ARMC2: variants seen among roughly 807,000 people sequenced by gnomAD.
The protein encoded by ARMC2 is armadillo repeat-containing protein 2.
ARMC2 carries 67 observed loss-of-function variants against 90.3 expected under a neutral mutation model. The observed-to-expected ratio is 0.74, with a 90% CI of 0.61 to 0.91. ARMC2 has a LOEUF of 0.91. Among genes scored for constraint, ARMC2 ranks in the 40% least tolerant of loss-of-function variants. ARMC2 has a pLI of 0.00. For synonymous variants in ARMC2, 393 were observed against 393.0 expected (o/e 1.00, Z 0.00); for missense variants, 920 against 1,030.9 (o/e 0.89, Z 1.47).
At chr6:108,948,228 G>A (rs1179894377) in intron 12 of ARMC2, among the ~76,000 whole-genome samples, 1 of 152,146 alleles carries the variant, frequency 6.6e-6, no homozygotes, top group Admixed American at 6.5e-5. Context: ...GGAGTGCACG[G>A]TTTGGGAGCA....
chr6:108,922,686 T>A (rs1171832487), intron 10 of ARMC2, among the ~76,000 whole-genome samples: 2 of 152,226 alleles, frequency 1.3e-5, no homozygotes, highest in Non-Finnish European at 2.9e-5. Context: ...ATGAAAACTT[T>A]GAGGCTTACA....
chr6:108,987,518 G>C, the ARMC2 span: 1,772 of 1,333,058 alleles, frequency 1.3e-3, 18 homozygotes, highest in African/African-American at 0.023. Context: ...GATCATTCCA[G>C]AATCATCTTT....
chr6:108,891,528 T>G (rs1304619996), intron 5 of ARMC2, among the ~76,000 whole-genome samples: 1 of 152,236 alleles, frequency 6.6e-6, no homozygotes, highest in Non-Finnish European at 1.5e-5. Flanking sequence ...TAAAATATAT[T>G]TGTTGGCCGC....
chr6:108,994,140 TA>T, the ARMC2 span, among the ~76,000 whole-genome samples: 371 of 100,260 alleles, frequency 3.7e-3, 1 homozygote, highest in African/African-American at 9.1e-3. Flanking sequence ...CCCTGTTTCT[TA>T]AAAAAAAAAA....
intron 8 of ARMC2, chr6:108,907,752 C>G: frequency 3.7e-6 from 6 of 1,610,866 alleles, no homozygotes; most frequent in Non-Finnish European, 5.1e-6. Flanking sequence ...CAGTAGTAAC[C>G]TCTTTGAAAC....
At chr6:108,869,530 A>G (rs1776173983) in intron 4 of ARMC2, among the ~76,000 whole-genome samples, 1 of 152,238 alleles carries the variant, frequency 6.6e-6, no homozygotes, top group Non-Finnish European at 1.5e-5. Context: ...AAAGAATATT[A>G]GGATAAGTAT....
At chr6:108,881,189 T>C (rs926743287) in intron 5 of ARMC2, among the ~76,000 whole-genome samples, 1 of 151,536 alleles carries the variant, frequency 6.6e-6, no homozygotes, top group Middle Eastern at 3.2e-3. Flanking sequence ...TTTCTTTCTT[T>C]CTTTCTTTGT....
intron 2 of ARMC2, among the ~76,000 whole-genome samples, chr6:108,856,942 C>G (rs1378371094): frequency 6.6e-6 from 1 of 152,208 alleles, no homozygotes; most frequent in Admixed American, 6.5e-5. Flanking sequence ...TTTTCTTTCA[C>G]CAGTACTATA....
chr6:108,997,631 T>C, the ARMC2 span, among the ~76,000 whole-genome samples: 1 of 152,228 alleles, frequency 6.6e-6, no homozygotes, highest in Non-Finnish European at 1.5e-5. Flanking sequence ...TTTACTTTTA[T>C]TTAGATACAA....
At chr6:108,868,740 T>A in intron 3 of ARMC2, 84 bp from the exon 4 acceptor site, 1 of 1,324,868 alleles carries the variant, frequency 7.5e-7, no homozygotes, top group Non-Finnish European at 1.0e-6. Context: ...TGTGCTCTTC[T>A]GGAAGGGTTG....
At chr6:109,035,213 C>G in the ARMC2 span, among the ~76,000 whole-genome samples, 10 of 152,088 alleles carry the variant, frequency 6.6e-5, no homozygotes, top group African/African-American at 2.4e-4. Context: ...CAAAAAAGAA[C>G]TGACCCCAAA....
intron 3 of ARMC2, among the ~76,000 whole-genome samples, chr6:108,866,938 A>G (rs908121320): frequency 2.0e-5 from 3 of 152,128 alleles, no homozygotes; most frequent in Admixed American, 6.5e-5. Context: ...ATAGATGTCT[A>G]TGTTCTATTC....
At chr6:108,858,095 A>G in intron 2 of ARMC2, 104 bp from the exon 3 acceptor site, 2 of 798,462 alleles carry the variant, frequency 2.5e-6, no homozygotes, top group Non-Finnish European at 3.9e-6. Flanking sequence ...TGGTTTATGC[A>G]TTGCATCCTT....
chr6:108,991,228 AGTGTGTGTGT>A, the ARMC2 span, among the ~76,000 whole-genome samples: 2 of 148,048 alleles, frequency 1.4e-5, no homozygotes, highest in Non-Finnish European at 3.0e-5. Flanking sequence ...TCAAATTATG[AGTGTGTGTGT>A]GTGTGTGTGT....
chr6:109,051,315 C>T, the ARMC2 span, among the ~76,000 whole-genome samples: 1 of 150,210 alleles, frequency 6.7e-6, no homozygotes, highest in African/African-American at 2.4e-5. Context: ...ATTTACCAAA[C>T]ATTGAAACTG....
At chr6:108,907,848 C>T (rs1772946888) in intron 8 of ARMC2, 1 of 1,611,192 alleles carries the variant, frequency 6.2e-7, no homozygotes, top group Non-Finnish European at 8.5e-7. Flanking sequence ...AGTTTCTTGT[C>T]CTTCACTGGT....
At chr6:108,987,514 T>A in the ARMC2 span, 1 of 1,279,606 alleles carries the variant, frequency 7.8e-7, no homozygotes, top group African/African-American at 1.5e-5. Context: ...TGCTGATCAT[T>A]CCAGAATCAT....
chr6:109,003,356 AG>A, the ARMC2 span, among the ~76,000 whole-genome samples: 4 of 151,446 alleles, frequency 2.6e-5, no homozygotes, highest in African/African-American at 7.3e-5. Context: ...TTCCTTTTAA[AG>A]AAAAAAAGTG....
chr6:108,863,378 C>T lies in ARMC2; in HGVS notation c.291+5107C>T, dbSNP rs116052629. Among the ~76,000 whole-genome samples, 695 of 152,194 alleles carry T rather than the reference C, an allele frequency of 4.6e-3. 3 individuals carry two copies. The highest frequency in any genetic ancestry group is 0.016 in the African/African-American group (653 of 41,526). ...GACTACAGGCATGAACCACCATGTC[C>T]GCCTGATTTGTTGTCTTTCATTAAC... On this transcript the variant is annotated intron_variant, in intron 3 of 17. Transcript: ENST00000392644.
Sources: allele counts gnomAD v4.1 joint callset (sites outside exome capture counted in the v4.1 genomes callset), GRCh38; gene constraint gnomAD v4.1.1; transcripts MANE v1.5; gene names NCBI Gene and HGNC (gene_info 2026-07-23, HGNC 2026-07-21).